The following LRCH1 variants were observed in gnomAD, a reference collection of about 807,000 sequenced individuals.
LRCH1 encodes the protein leucine rich repeats and calponin homology domain containing 1.
A neutral mutation model predicts 94.9 loss-of-function variants in LRCH1; 23 were observed. The ratio of observed to expected loss-of-function variants is 0.24; its 90% CI spans 0.17 to 0.34. LRCH1 has a LOEUF of 0.34. LRCH1 is among the 10% of genes least tolerant of loss of function. LRCH1 has a pLI of 1.00. For missense variants in LRCH1, 790 were observed against 945.9 expected, an observed-to-expected ratio of 0.84 and a Z score of 2.16; for synonymous variants, 364 against 354.9, an observed-to-expected ratio of 1.03 and a Z score of -0.29.
At chr13:46,559,563 A>G (rs2050107422) in intron 1 of LRCH1, among the ~76,000 whole-genome samples, 1 of 152,238 alleles carries the variant, frequency 6.6e-6, no homozygotes, top group African/African-American at 2.4e-5. Context: ...TATGGCAAAA[A>G]CAGTCTCCAC....
chr13:46,568,159 G>A (rs2137913748), intron 1 of LRCH1, among the ~76,000 whole-genome samples: 1 of 152,280 alleles, frequency 6.6e-6, no homozygotes, highest in Admixed American at 6.5e-5. Flanking sequence ...TTTCTTTAGA[G>A]AACACAATAG....
At chr13:46,598,780 G>A (rs938155497) in intron 1 of LRCH1, among the ~76,000 whole-genome samples, 6 of 152,110 alleles carry the variant, frequency 3.9e-5, no homozygotes, top group African/African-American at 9.7e-5. Flanking sequence ...GTTGTTCTTC[G>A]CATCCAGAAC....
At chr13:46,630,377 T>C (rs918907625) in intron 1 of LRCH1, among the ~76,000 whole-genome samples, 1 of 152,240 alleles carries the variant, frequency 6.6e-6, no homozygotes, top group Non-Finnish European at 1.5e-5. Flanking sequence ...TATTTATTAT[T>C]ACTACTTTCT....
At chr13:46,721,122 C>T (rs1320848453) in intron 16 of LRCH1, among the ~76,000 whole-genome samples, 1 of 152,110 alleles carries the variant, frequency 6.6e-6, no homozygotes, top group Non-Finnish European at 1.5e-5. Flanking sequence ...ATTTCGTTAT[C>T]CTGATATCTC....
intron 8 of LRCH1, 53 bp downstream of exon 8, chr13:46,692,694 T>C: frequency 7.3e-7 from 1 of 1,366,256 alleles, no homozygotes; most frequent in Admixed American, 1.7e-5. Context: ...TCAAATGTTA[T>C]GTTTAAAATA....
intron 1 of LRCH1, among the ~76,000 whole-genome samples, chr13:46,602,924 G>A (rs776283143): frequency 6.6e-6 from 1 of 151,976 alleles, no homozygotes; most frequent in Non-Finnish European, 1.5e-5. Context: ...GCTCCAGCCT[G>A]GGCAACAGAG....
At chr13:46,733,192 A>C (rs954374102) in intron 18 of LRCH1, among the ~76,000 whole-genome samples, 2 of 152,194 alleles carry the variant, frequency 1.3e-5, no homozygotes, top group African/African-American at 4.8e-5. Flanking sequence ...ACAATTTAGC[A>C]GCAAAGTGTT....
intron 2 of LRCH1, among the ~76,000 whole-genome samples, chr13:46,651,877 T>G (rs190274961): frequency 6.2e-5 from 9 of 145,606 alleles, no homozygotes; most frequent in African/African-American, 1.5e-4. Flanking sequence ...TGTTTTGTTT[T>G]TTTTGTTTTG....
chr13:46,648,593 C>A (rs779927358), intron 1 of LRCH1, among the ~76,000 whole-genome samples: 31 of 152,274 alleles, frequency 2.0e-4, no homozygotes, highest in African/African-American at 7.0e-4. Flanking sequence ...TGTGCAATAA[C>A]CCCAACAGTT....
rs2051175406 is a variant in LRCH1 at position 46,642,819 on chromosome 13, C to G, written c.308-7382C>G. Among the ~76,000 whole-genome samples, 3 of 152,106 alleles carry G rather than the reference C, an allele frequency of 2.0e-5. No individual in the cohort carries two copies. In the South Asian group the frequency reaches 6.2e-4, roughly 32 times the overall value. On this transcript the variant is annotated intron_variant, in intron 1 of 19. Coordinates refer to ENST00000389797, the MANE Select transcript of LRCH1 (RefSeq NM_001164211.2). ...TGTGTCGTCTGCTCACCTGGCTTTCCCATAGCCCAGTGGGAATCAACTGGA... is the reference window on the plus strand; with the variant it reads ...TGTGTCGTCTGCTCACCTGGCTTTCGCATAGCCCAGTGGGAATCAACTGGA...
At chr13:46,672,422 G>A (rs1024656883) in intron 3 of LRCH1, among the ~76,000 whole-genome samples, 3 of 151,796 alleles carry the variant, frequency 2.0e-5, no homozygotes, top group African/African-American at 4.8e-5. Flanking sequence ...GTGCTGATAC[G>A]TGCTTCTGTC....
chr13:46,596,513 T>C (rs766795159), intron 1 of LRCH1, among the ~76,000 whole-genome samples: 30 of 152,236 alleles, frequency 2.0e-4, no homozygotes, highest in Non-Finnish European at 4.1e-4. Flanking sequence ...AAATTGGGCA[T>C]TTTTTAAATT....
chr13:46,717,869 T>C (rs185422317), intron 16 of LRCH1, among the ~76,000 whole-genome samples: 91 of 152,296 alleles, frequency 6.0e-4, no homozygotes, highest in Admixed American at 1.5e-3. Context: ...TAAAACTTAT[T>C]CTTCAAACAG....
intron 1 of LRCH1, among the ~76,000 whole-genome samples, chr13:46,598,007 G>A (rs2050584103): frequency 6.6e-6 from 1 of 152,120 alleles, no homozygotes; most frequent in Non-Finnish European, 1.5e-5. Flanking sequence ...TGGGCTGAGT[G>A]CGGTGGCTCA....
intron 3 of LRCH1, among the ~76,000 whole-genome samples, chr13:46,677,643 G>A (rs563482141): frequency 3.9e-5 from 6 of 152,236 alleles, no homozygotes; most frequent in African/African-American, 1.4e-4. Context: ...TCTTTTTATT[G>A]TGATGAGGAG....
At chr13:46,573,866 A>ATATATATATATATATATAGATATATATT in intron 1 of LRCH1, among the ~76,000 whole-genome samples, 1 of 63,420 alleles carries the variant, frequency 1.6e-5, no homozygotes, top group Non-Finnish European at 3.2e-5. Context: ...ATATATATAT[A>ATATATATATATATATATAGATATATATT]TTTTTTTTTT....
At chr13:46,702,563 G>A (rs1295155378) in intron 11 of LRCH1, among the ~76,000 whole-genome samples, 2 of 152,164 alleles carry the variant, frequency 1.3e-5, no homozygotes, top group Middle Eastern at 3.2e-3. Flanking sequence ...AGTGCTTCAA[G>A]TGGAGGTAAA....
At chr13:46,731,469 A>G (rs1857025) in intron 18 of LRCH1, among the ~76,000 whole-genome samples, 147,037 of 152,226 alleles carry the variant, frequency 0.97, 71,155 homozygotes, top group Non-Finnish European at 1. Context: ...GATCTCAAGT[A>G]ATCTGCCCGC....
intron 1 of LRCH1, among the ~76,000 whole-genome samples, chr13:46,617,253 A>G (rs1308474431): frequency 3.9e-5 from 6 of 152,056 alleles, no homozygotes; most frequent in Non-Finnish European, 7.3e-5. Flanking sequence ...CATTTCAGGC[A>G]GAGGAGCAGA....
Sources: allele counts gnomAD v4.1 joint callset (sites outside exome capture counted in the v4.1 genomes callset), GRCh38; gene constraint gnomAD v4.1.1; transcripts MANE v1.5; gene names NCBI Gene and HGNC (gene_info 2026-07-23, HGNC 2026-07-21).